MYO1D: variants seen among roughly 807,000 people sequenced by gnomAD.
The protein encoded by MYO1D is myosin ID.
MYO1D carries 83 observed loss-of-function variants against 122.0 expected under a neutral mutation model. That is an observed-to-expected ratio of 0.68 (90% CI 0.57 to 0.82). MYO1D has a LOEUF of 0.82. MYO1D is among the 40% of genes least tolerant of loss of function. The pLI is 0.00. For missense variants in MYO1D, 1,157 were observed against 1,269.5 expected (o/e 0.91, Z 1.35); for synonymous variants, 464 against 446.9 (o/e 1.04, Z -0.48).
At chr17:32,578,138 G>A (rs1247744328) in intron 21 of MYO1D, among the ~76,000 whole-genome samples, 1 of 152,204 alleles carries the variant, frequency 6.6e-6, no homozygotes, top group Non-Finnish European at 1.5e-5. Flanking sequence ...TAAGAGAATA[G>A]CAGAATACAG....
At chr17:32,705,550 A>C (rs1307204708) in intron 16 of MYO1D, among the ~76,000 whole-genome samples, 1 of 152,220 alleles carries the variant, frequency 6.6e-6, no homozygotes, top group Non-Finnish European at 1.5e-5. Flanking sequence ...GGCATGGGCC[A>C]CCACACGTGG....
At chr17:32,822,012 T>C (rs1360566993) in intron 1 of MYO1D, among the ~76,000 whole-genome samples, 1 of 152,204 alleles carries the variant, frequency 6.6e-6, no homozygotes, top group Non-Finnish European at 1.5e-5. Flanking sequence ...GACCCAGCCA[T>C]CCCATTACTG....
chr17:32,781,471 G>C (rs1392283457), intron 1 of MYO1D, among the ~76,000 whole-genome samples: 2 of 152,064 alleles, frequency 1.3e-5, no homozygotes, highest in African/African-American at 2.4e-5. Context: ...CTCAGGAATG[G>C]GACAGCTGGT....
chr17:32,780,931 T>C lies in MYO1D; in HGVS notation c.96-147A>G. 4.9e-6 allele frequency: 4 copies of C among 810,650 alleles called. No individual in the cohort carries two copies. The South Asian group carries it at 5.2e-5, about 11-fold the overall frequency. 50.2% of individuals were successfully genotyped at this position (810,650 alleles called of 1,614,324 possible). A position where few individuals can be genotyped will look rare whatever the true frequency, so the allele number is the denominator to read the frequency against. On this transcript the variant is annotated intron_variant, in intron 1 of 21. Coordinates refer to ENST00000318217, the MANE Select transcript of MYO1D (RefSeq NM_015194.3). Reference sequence around the variant, plus strand: ...GTTTCATTGGCTCTGAGTTAACTTGTAGAGAATGTTTGAGGCTGTGCCCCT... The same window carrying C: ...GTTTCATTGGCTCTGAGTTAACTTGCAGAGAATGTTTGAGGCTGTGCCCCT...
At chr17:32,806,064 C>A (rs2090509337) in intron 1 of MYO1D, among the ~76,000 whole-genome samples, 1 of 152,134 alleles carries the variant, frequency 6.6e-6, no homozygotes, top group Admixed American at 6.5e-5. Flanking sequence ...TGAGACCATC[C>A]TGGCTAGCAC....
intron 16 of MYO1D, 103 bp from the exon 17 acceptor site, chr17:32,659,441 C>T: frequency 8.3e-7 from 1 of 1,200,230 alleles, no homozygotes; most frequent in Non-Finnish European, 1.2e-6. Context: ...AACCAGGCAA[C>T]TTGCAAGTGT....
At chr17:32,675,303 C>T (rs889882392) in intron 16 of MYO1D, among the ~76,000 whole-genome samples, 1 of 152,160 alleles carries the variant, frequency 6.6e-6, no homozygotes, top group Non-Finnish European at 1.5e-5. Context: ...TGGATATACT[C>T]CTGTGATGTT....
chr17:32,498,235 A>G (rs957092925), intron 21 of MYO1D: 3 of 152,240 alleles, frequency 2.0e-5, no homozygotes, highest in South Asian at 2.1e-4. Flanking sequence ...ACATCCCCCA[A>G]CTGAACAAAA....
At chr17:32,835,156 C>T (rs2151069454) in intron 1 of MYO1D, among the ~76,000 whole-genome samples, 2 of 151,346 alleles carry the variant, frequency 1.3e-5, no homozygotes, top group South Asian at 4.2e-4. Context: ...GTTTTGCTTT[C>T]TTTTGGGGTT....
At chr17:32,863,894 G>A (rs2091099178) in intron 1 of MYO1D, among the ~76,000 whole-genome samples, 1 of 150,770 alleles carries the variant, frequency 6.6e-6, no homozygotes, top group South Asian at 2.1e-4. Flanking sequence ...AAGTTTTACT[G>A]TAGAAGGTAG....
intron 1 of MYO1D, among the ~76,000 whole-genome samples, chr17:32,828,887 G>A (rs1003965471): frequency 2.0e-5 from 3 of 152,092 alleles, no homozygotes; most frequent in Non-Finnish European, 4.4e-5. Context: ...TCCTGCTATG[G>A]AAACGGAGGC....
At chr17:32,495,536 A>AT in intron 21 of MYO1D, 1 of 152,646 alleles carries the variant, frequency 6.6e-6, no homozygotes, top group East Asian at 1.9e-4. Flanking sequence ...CTGGGAGCAC[A>AT]TGAAGGCGGC....
At chr17:32,571,429 C>A (rs1378468138) in intron 21 of MYO1D, among the ~76,000 whole-genome samples, 2 of 152,204 alleles carry the variant, frequency 1.3e-5, no homozygotes, top group African/African-American at 4.8e-5. Context: ...TCAAGCCTTT[C>A]CTCCTTTCCT....
intron 8 of MYO1D, among the ~76,000 whole-genome samples, chr17:32,763,387 C>T (rs1428447838): frequency 2.0e-5 from 3 of 152,122 alleles, no homozygotes; most frequent in Admixed American, 6.6e-5. Flanking sequence ...GAAAATACAA[C>T]GCTTGCCACA....
intron 1 of MYO1D, among the ~76,000 whole-genome samples, chr17:32,848,255 T>G (rs1308601172): frequency 6.6e-6 from 1 of 152,246 alleles, no homozygotes; most frequent in Non-Finnish European, 1.5e-5. Flanking sequence ...CATGTAAAAT[T>G]TCCTGCTTTT....
At chr17:32,694,077 G>A (rs1177524372) in intron 16 of MYO1D, among the ~76,000 whole-genome samples, 1 of 152,084 alleles carries the variant, frequency 6.6e-6, no homozygotes, top group African/African-American at 2.4e-5. Flanking sequence ...TTCTAATAGC[G>A]CTGCTTAGTA....
intron 19 of MYO1D, among the ~76,000 whole-genome samples, chr17:32,640,593 G>C (rs1001193804): frequency 6.8e-6 from 1 of 147,408 alleles, no homozygotes; most frequent in African/African-American, 2.5e-5. Context: ...TTTTGTTCTT[G>C]CGATAGTTTA....
intron 21 of MYO1D, among the ~76,000 whole-genome samples, chr17:32,543,095 G>A (rs936055902): frequency 3.3e-5 from 5 of 151,168 alleles, no homozygotes; most frequent in South Asian, 4.2e-4. Context: ...GCATGGTGGC[G>A]GGCGCCTGTA....
At chr17:32,837,062 T>A (rs546316033) in intron 1 of MYO1D, among the ~76,000 whole-genome samples, 107 of 152,180 alleles carry the variant, frequency 7.0e-4, no homozygotes, top group African/African-American at 2.5e-3. Context: ...TCCTTTTTTT[T>A]AAATGGTTCA....
Sources: gnomAD v4.1 joint callset for allele counts (sites outside exome capture counted in the v4.1 genomes callset) on GRCh38, gnomAD v4.1.1 for gene constraint, MANE v1.5 for transcripts, NCBI Gene and HGNC (gene_info 2026-07-23, HGNC 2026-07-21) for gene names.